TMEFF1: variants seen among roughly 807,000 people sequenced by gnomAD.
TMEFF1 encodes the protein transmembrane protein with EGF like and two follistatin like domains 1.
In TMEFF1, 20 loss-of-function variants were observed where a neutral mutation model predicts 47.5. The ratio of observed to expected loss-of-function variants is 0.42; its 90% CI spans 0.30 to 0.61. TMEFF1 has a LOEUF of 0.61. TMEFF1 is among the 20% of genes least tolerant of loss of function. TMEFF1 has a pLI of 0.19. For synonymous variants in TMEFF1, 162 were observed against 166.3 expected, an observed-to-expected ratio of 0.97 and a Z score of 0.20; for missense variants, 411 against 471.1, an observed-to-expected ratio of 0.87 and a Z score of 1.18.
chr9:100,563,303 A>G (rs1292433661), intron 8 of TMEFF1, among the ~76,000 whole-genome samples: 3 of 152,222 alleles, frequency 2.0e-5, no homozygotes, highest in Non-Finnish European at 2.9e-5. Context: ...TGTTTGTCCT[A>G]CAGTGGCATG....
chr9:100,489,446 C>T (rs1455821164), intron 1 of TMEFF1, among the ~76,000 whole-genome samples: 1 of 152,168 alleles, frequency 6.6e-6, no homozygotes, highest in East Asian at 1.9e-4. Flanking sequence ...CTGCCTTGGC[C>T]TCCCAAAGTG....
At chr9:100,519,146 G>A (rs1040114975) in intron 5 of TMEFF1, among the ~76,000 whole-genome samples, 5 of 152,128 alleles carry the variant, frequency 3.3e-5, no homozygotes, top group African/African-American at 1.2e-4. Context: ...GGGCGCAGTG[G>A]CTCATGCCTG....
intron 3 of TMEFF1, among the ~76,000 whole-genome samples, chr9:100,509,529 T>A (rs1183253230): frequency 6.6e-6 from 1 of 152,082 alleles, no homozygotes; most frequent in Non-Finnish European, 1.5e-5. Context: ...ATCCCAGCAC[T>A]TTGGGAGGCT....
Position 100,521,826 on chromosome 9 carries a change from T to C in TMEFF1, c.560+5055T>C, listed in dbSNP as rs147029963. Among the ~76,000 whole-genome samples, 11 of 152,358 alleles carry C rather than the reference T, an allele frequency of 7.2e-5. No individual in the cohort carries two copies. The East Asian group carries it at 1.5e-3, about 21-fold the overall frequency. On this transcript the variant is annotated intron_variant, in intron 5 of 9. Coordinates refer to ENST00000374879, the MANE Select transcript of TMEFF1 (RefSeq NM_003692.5). ...TGCACTTTATGGAAATAGCCCCTGCTCTTCTGCCTTTTTTATGTCAGTCTC... is the reference window on the plus strand; with the variant it reads ...TGCACTTTATGGAAATAGCCCCTGCCCTTCTGCCTTTTTTATGTCAGTCTC...
intron 5 of TMEFF1, among the ~76,000 whole-genome samples, chr9:100,519,691 C>T (rs1475038643): frequency 7.0e-6 from 1 of 142,728 alleles, no homozygotes; most frequent in Non-Finnish European, 1.5e-5. Context: ...AAAACACTGC[C>T]CTCTTCATCA....
At chr9:100,566,087 C>T (rs1839121009) in intron 8 of TMEFF1, among the ~76,000 whole-genome samples, 1 of 152,200 alleles carries the variant, frequency 6.6e-6, no homozygotes, top group Non-Finnish European at 1.5e-5. Flanking sequence ...ATGCATTCTT[C>T]ACTTGGTGTC....
At chr9:100,549,705 A>G (rs887573340) in intron 6 of TMEFF1, among the ~76,000 whole-genome samples, 4 of 152,202 alleles carry the variant, frequency 2.6e-5, no homozygotes, top group Non-Finnish European at 5.9e-5. Flanking sequence ...GAGATTCCCC[A>G]TTTATCTTAA....
intron 2 of TMEFF1, among the ~76,000 whole-genome samples, chr9:100,503,357 T>C (rs1156919633): frequency 6.6e-6 from 1 of 152,188 alleles, no homozygotes; most frequent in African/African-American, 2.4e-5. Context: ...CATCTTTCCC[T>C]GAAAACTTTG....
At position 100,547,789 on chromosome 9, in the gene TMEFF1, G is replaced by A. The variant is rs557979460; in HGVS notation, c.606G>A (p.Val202=). The change falls in exon 6 of 10, where the codon GTG becomes GTA. Residue 202 remains valine (V), a synonymous_variant. Coordinates refer to ENST00000374879, the MANE Select transcript of TMEFF1 (RefSeq NM_003692.5). The part of the protein sequence containing the change: ...IDCSGYSFNP[V]CASDGSSYNN... ...GCAGTGGATACAGTTTTAATCCTGT[G>A]TGTGCTTCTGATGGGAGTTCCTATA... is the stretch of plus-strand genomic sequence containing the variant. The A allele has an allele frequency of 1.9e-6, 3 of 1,607,344 alleles. No individual in the cohort carries two copies. Among genetic ancestry groups the A allele is most frequent in the East Asian group, 2.3e-5 (1 of 44,382 alleles).
At position 100,508,885 on chromosome 9, in the gene TMEFF1, AAC is replaced by A; in HGVS notation, c.307-119_307-118del. 20 of 1,228,582 alleles carry A rather than the reference AAC, an allele frequency of 1.6e-5. No homozygotes were observed. The East Asian group carries it at 2.4e-4, about 15-fold the overall frequency. The allele number at this position is 1,228,582 out of a possible 1,614,324, so 76.1% of individuals were successfully genotyped here. A position where few individuals can be genotyped will look rare whatever the true frequency, so the allele number is the denominator to read the frequency against. On this transcript the variant is annotated intron_variant, in intron 2 of 9. Transcript: ENST00000374879. ...TCTTTTTAAGCCAAAAAAAAAAAAAAACCCCAGACTATTCAGTAGCGAAGTAT... is the reference window on the plus strand; with the variant it reads ...TCTTTTTAAGCCAAAAAAAAAAAAAACCCAGACTATTCAGTAGCGAAGTAT...
intron 1 of TMEFF1, among the ~76,000 whole-genome samples, chr9:100,481,778 AT>A: frequency 6.6e-6 from 1 of 151,948 alleles, no homozygotes; most frequent in East Asian, 1.9e-4. Context: ...ATTTATTTTT[AT>A]TTTTAATTGT....
chr9:100,557,777 A>G (rs1169479562), intron 7 of TMEFF1, among the ~76,000 whole-genome samples: 1 of 149,938 alleles, frequency 6.7e-6, no homozygotes, highest in Non-Finnish European at 1.5e-5. Flanking sequence ...TCATGTGTAT[A>G]TGCTGATTTT....
At position 100,486,112 on chromosome 9, in the gene TMEFF1, T is replaced by C. The variant is rs576557080; in HGVS notation, c.196+12372T>C. Among the ~76,000 whole-genome samples, 7 of 152,284 alleles carry C rather than the reference T, an allele frequency of 4.6e-5. 1 individual carries two copies. The South Asian group carries it at 1.5e-3, about 32-fold the overall frequency. ...AAAAAGGGAAAAAACCCACACCTTT[T>C]TTCTTTGTTATAAGAGCAGTATATA... On this transcript the variant is annotated intron_variant, in intron 1 of 9. Transcript: ENST00000374879.
At chr9:100,524,451 C>T (rs1838219868) in intron 5 of TMEFF1, among the ~76,000 whole-genome samples, 1 of 152,192 alleles carries the variant, frequency 6.6e-6, no homozygotes, top group Non-Finnish European at 1.5e-5. Context: ...TTTTCAGCTC[C>T]TCAGAGAGTT....
intron 1 of TMEFF1, among the ~76,000 whole-genome samples, chr9:100,497,665 G>A (rs1837677570): frequency 1.3e-5 from 2 of 152,144 alleles, no homozygotes; most frequent in East Asian, 1.9e-4. Flanking sequence ...AGTTGTCACC[G>A]GACATAGAAT....
chr9:100,506,493 C>G (rs574890414), intron 2 of TMEFF1, among the ~76,000 whole-genome samples: 1 of 152,178 alleles, frequency 6.6e-6, no homozygotes, highest in East Asian at 1.9e-4. Context: ...AGGCCAGGCG[C>G]AGTGGCTTAC....
At chr9:100,521,548 AC>A (rs1372428155) in intron 5 of TMEFF1, among the ~76,000 whole-genome samples, 1 of 151,972 alleles carries the variant, frequency 6.6e-6, no homozygotes, top group African/African-American at 2.4e-5. Context: ...TTAGTACCAC[AC>A]CCCCTCACTT....
intron 8 of TMEFF1, among the ~76,000 whole-genome samples, chr9:100,570,383 TG>T (rs1343850708): frequency 2.0e-5 from 3 of 152,216 alleles, no homozygotes; most frequent in Non-Finnish European, 2.9e-5. Flanking sequence ...CTGTATCTTA[TG>T]TTTTTTTTCT....
intron 5 of TMEFF1, among the ~76,000 whole-genome samples, chr9:100,529,738 C>A (rs906405893): frequency 2.0e-5 from 3 of 152,064 alleles, no homozygotes; most frequent in Admixed American, 6.5e-5. Context: ...CTGCACCAAG[C>A]GGACCTAATA....
Sources: gnomAD v4.1 joint callset for allele counts (sites outside exome capture counted in the v4.1 genomes callset) on GRCh38, gnomAD v4.1.1 for gene constraint, MANE v1.5 for transcripts, NCBI Gene and HGNC (gene_info 2026-07-23, HGNC 2026-07-21) for gene names.